HDHD2: variants seen among roughly 807,000 people sequenced by gnomAD.
HDHD2 encodes the protein haloacid dehalogenase-like hydrolase domain-containing protein 2.
Under a neutral mutation model 24.8 loss-of-function variants are expected in HDHD2, and 26 were observed. That is an observed-to-expected ratio of 1.05 (90% confidence interval 0.77 to 1.45). The LOEUF (loss-of-function observed/expected upper bound fraction) is 1.45, where lower values mean the gene tolerates loss of function less well. Among genes scored for constraint, HDHD2 ranks in the 40% most tolerant of loss-of-function variants. HDHD2 has a pLI of 0.00. For synonymous variants in HDHD2, 128 were observed against 114.9 expected (o/e 1.11, Z -0.73); for missense variants, 299 against 313.4 (o/e 0.95, Z 0.35).
chr18:47,111,426 A>G, intron 6 of HDHD2: 3 of 984,128 alleles, frequency 3.0e-6, no homozygotes, highest in Non-Finnish European at 3.6e-6. Context: ...AATACACAAG[A>G]GCAAAAATAG....
chr18:47,135,258 C>CTTTTTT (rs904719955), intron 2 of HDHD2, among the ~76,000 whole-genome samples: 20 of 128,356 alleles, frequency 1.6e-4, no homozygotes, highest in Non-Finnish European at 1.8e-4. Flanking sequence ...TAGATTTTTT[C>CTTTTTT]TTTTTTTTTT....
chr18:47,116,958 G>A (rs1305690897), intron 4 of HDHD2, among the ~76,000 whole-genome samples: 1 of 152,184 alleles, frequency 6.6e-6, no homozygotes, highest in Admixed American at 6.6e-5. Context: ...CCCTGGAAGA[G>A]GTGAAACTGT....
At chr18:47,127,319 T>C (rs924642631) in intron 4 of HDHD2, among the ~76,000 whole-genome samples, 1 of 152,210 alleles carries the variant, frequency 6.6e-6, no homozygotes, top group African/African-American at 2.4e-5. Flanking sequence ...TTAAAAAGCA[T>C]GTTACTATAT....
At chr18:47,120,981 T>C (rs1466174661) in intron 4 of HDHD2, among the ~76,000 whole-genome samples, 1 of 151,590 alleles carries the variant, frequency 6.6e-6, no homozygotes, top group Non-Finnish European at 1.5e-5. Context: ...ATAATAATAA[T>C]GAAAAGTTTG....
intron 1 of HDHD2, 100 bp from the exon 2 acceptor site, chr18:47,136,549 C>T (rs1488108310): frequency 1.1e-6 from 1 of 949,734 alleles, no homozygotes; most frequent in African/African-American, 1.7e-5. Context: ...CAGAAAGATC[C>T]TGCTTAGTGT....
chr18:47,136,642 G>T (rs1424485454), intron 1 of HDHD2, among the ~76,000 whole-genome samples, 193 bp from the exon 2 acceptor site: 1 of 142,888 alleles, frequency 7.0e-6, no homozygotes, highest in Non-Finnish European at 1.5e-5. Flanking sequence ...CAATACTTAG[G>T]TTTTTTTTTA....
At chr18:47,118,577 G>A (rs2063576275) in intron 4 of HDHD2, among the ~76,000 whole-genome samples, 1 of 152,164 alleles carries the variant, frequency 6.6e-6, no homozygotes, top group Non-Finnish European at 1.5e-5. Flanking sequence ...ACTCCGGCCT[G>A]TTGGGACTGC....
At chr18:47,135,781 A>C (rs2063760180) in intron 2 of HDHD2, among the ~76,000 whole-genome samples, 1 of 152,124 alleles carries the variant, frequency 6.6e-6, no homozygotes, top group South Asian at 2.1e-4. Flanking sequence ...ACATACTTTT[A>C]CTAGGTGTCT....
chr18:47,119,267 T>C (rs1260466638), intron 4 of HDHD2, among the ~76,000 whole-genome samples: 1 of 152,226 alleles, frequency 6.6e-6, no homozygotes, highest in Non-Finnish European at 1.5e-5. Flanking sequence ...GAAAGAATTC[T>C]CTGTAGTATG....
chr18:47,136,393 C>T lies in HDHD2; in HGVS notation c.47G>A (p.Gly16Asp). 6.2e-7 allele frequency: 1 copy of T among 1,612,822 alleles called. No homozygotes were observed. ...ALKAVLVDLS[G>D]TLHIEDAAVP... ...AGCTGCATCTTCAATGTGAAGTGTG[C>T]CACTGAGATCTACCAAAACAGCTTT... is the stretch of plus-strand genomic sequence containing the variant. Residue 16 changes from glycine to aspartate, a missense_variant, in exon 2 of 7, where the codon GGC becomes GAC. Coordinates refer to ENST00000300605, the MANE Select transcript of HDHD2 (RefSeq NM_032124.5).
At chr18:47,136,518 T>C in intron 1 of HDHD2, 69 bp from the exon 2 acceptor site, 1 of 1,265,840 alleles carries the variant, frequency 7.9e-7, no homozygotes, top group Non-Finnish European at 1.1e-6. Flanking sequence ...CTGGTAAGTA[T>C]TCAAAAATAT....
intron 1 of HDHD2, chr18:47,150,135 T>C (rs2063915506): frequency 6.6e-6 from 1 of 152,176 alleles, no homozygotes; most frequent in Non-Finnish European, 1.5e-5. Flanking sequence ...AGCTTCACGA[T>C]CCGCCCCGCA....
chr18:47,129,176 T>C (rs574174344), intron 4 of HDHD2, among the ~76,000 whole-genome samples: 1 of 152,162 alleles, frequency 6.6e-6, no homozygotes, highest in South Asian at 2.1e-4. Context: ...ACATGAAAAA[T>C]TACAAAATCC....
chr18:47,129,486 T>C (rs2063691347), intron 4 of HDHD2, among the ~76,000 whole-genome samples: 1 of 152,120 alleles, frequency 6.6e-6, no homozygotes, highest in African/African-American at 2.4e-5. Context: ...GAAATCTCAA[T>C]GTATCCTTGA....
intron 6 of HDHD2, chr18:47,109,981 G>A (rs1029091213): frequency 1.7e-5 from 17 of 985,212 alleles, no homozygotes; most frequent in Non-Finnish European, 1.9e-5. Context: ...AGAGAGGGGA[G>A]GGAGGAAATG....
Position 47,136,448 on chromosome 18 carries a change from C to A in HDHD2, c.-9G>T. The stretch of plus-strand genomic sequence containing the variant: ...GCACGGCATGCTGCCATCCTTCATT[C>A]CCTAGGAGAGAGCAAATGAAATTAA... On this transcript the variant is annotated splice_region_variant and 5_prime_UTR_variant, in exon 2 of 7. Coordinates refer to ENST00000300605, the MANE Select transcript of HDHD2 (RefSeq NM_032124.5). The A allele has an allele frequency of 1.9e-6, 3 of 1,610,888 alleles. No individual in the cohort carries two copies. The highest frequency in any genetic ancestry group is 2.5e-6 in the Non-Finnish European group (3 of 1,179,234).
intron 4 of HDHD2, among the ~76,000 whole-genome samples, chr18:47,126,958 G>A (rs1215554526): frequency 6.6e-6 from 1 of 152,058 alleles, no homozygotes; most frequent in Non-Finnish European, 1.5e-5. Flanking sequence ...ACGTCAGATC[G>A]AGACCATCCT....
chr18:47,134,178 A>C (rs1599950313), intron 3 of HDHD2, among the ~76,000 whole-genome samples: 1 of 152,360 alleles, frequency 6.6e-6, no homozygotes, highest in East Asian at 1.9e-4. Flanking sequence ...GGAGGGCTCT[A>C]AACAGCATCA....
In HDHD2 at chr18:47,122,699, A is replaced by G. The variant is rs78891559; in HGVS notation, c.396-7351T>C. Reference sequence around the variant, plus strand: ...TAATTGAAACCCCAAAATACCTCCAATGTCACACTGGCACAGTAATTCTCT... The same window carrying G: ...TAATTGAAACCCCAAAATACCTCCAGTGTCACACTGGCACAGTAATTCTCT... On this transcript the variant is annotated intron_variant, in intron 4 of 6. Transcript: ENST00000300605. 2.0e-5 allele frequency among the ~76,000 whole-genome samples: 3 copies of G among 152,248 alleles called. No individual in the cohort carries two copies. In the South Asian group the frequency reaches 6.2e-4, roughly 32 times the overall value.
Sources: allele counts gnomAD v4.1 joint callset (sites outside exome capture counted in the v4.1 genomes callset), GRCh38; gene constraint gnomAD v4.1.1; transcripts MANE v1.5; gene names NCBI Gene and HGNC (gene_info 2026-07-23, HGNC 2026-07-21).